The following LXN variants were observed in gnomAD, a reference collection of about 807,000 sequenced individuals.
LXN encodes latexin, also known as MUM.
Under a neutral mutation model 29.8 loss-of-function variants are expected in LXN, and 28 were observed. The ratio of observed to expected loss-of-function variants is 0.94; its 90% CI spans 0.70 to 1.29. The LOEUF (loss-of-function observed/expected upper bound fraction) is 1.29, where lower values mean the gene tolerates loss of function less well. LXN is among the 50% of genes most tolerant of loss of function. The pLI is 0.00. For missense variants in LXN, 227 were observed against 261.7 expected, an observed-to-expected ratio of 0.87 and a Z score of 0.92; for synonymous variants, 77 against 89.6, an observed-to-expected ratio of 0.86 and a Z score of 0.80.
chr3:158,669,418 GC>G lies in LXN; in HGVS notation c.370+14del. On this transcript the variant is annotated intron_variant, in intron 3 of 5. Transcript: ENST00000264265. ...TTTGAATCAAACAAATGGTTTTCAT[GC>G]CATATTTATATACCTGGAATATTTT... 1 of 1,593,178 alleles carries G rather than the reference GC, an allele frequency of 6.3e-7. No homozygotes were observed. Among genetic ancestry groups the G allele is most frequent in the Non-Finnish European group, 8.5e-7 (1 of 1,169,764 alleles).
In LXN at chr3:158,668,985, A is replaced by G; in HGVS notation, c.507+11T>C. 6.3e-7 allele frequency: 1 copy of G among 1,598,428 alleles called. No homozygotes were observed. The highest frequency in any genetic ancestry group is 8.5e-7 in the Non-Finnish European group (1 of 1,170,238). ...ACCCCATTAATAGTGTATTTTATAG[A>G]AACTACTTACCACTTGCTTGACAGT... is the stretch of plus-strand genomic sequence containing the variant. On this transcript the variant is annotated intron_variant, in intron 4 of 5. Coordinates refer to ENST00000264265, the MANE Select transcript of LXN (RefSeq NM_020169.4).
Position 158,670,990 on chromosome 3 carries a change from G to A in LXN, c.159C>T (p.His53=). The A allele has an allele frequency of 6.5e-7, 1 of 1,538,784 alleles. No individual in the cohort carries two copies. The highest frequency in any genetic ancestry group is 2.4e-5 in the East Asian group (1 of 41,460). ...TAATTTCTTCAACAGCAAATTTAAG[G>A]TGATACTTATGTCCTCTTCCTGGAA... ...EDIPGRGHKY[H]LKFAVEEIIQ... Residue 53 remains histidine, a synonymous_variant, in exon 2 of 6, where the codon CAC becomes CAT. Transcript: ENST00000264265.
At chr3:158,670,070 T>C (rs1014947416) in intron 2 of LXN, among the ~76,000 whole-genome samples, 1 of 152,236 alleles carries the variant, frequency 6.6e-6, no homozygotes, top group Non-Finnish European at 1.5e-5. Flanking sequence ...GGTTATGCTT[T>C]GTAAAGATGG....
Position 158,666,502 on chromosome 3 carries a change from T to C in LXN, c.*144A>G. ...TTTTATGTAGTGATACTTTGTATTA[T>C]GGACTCTATAAAGTTCTATACTGTA... On this transcript the variant is annotated 3_prime_UTR_variant, in exon 6 of 6. Coordinates refer to ENST00000264265, the MANE Select transcript of LXN (RefSeq NM_020169.4). 1 of 1,130,028 alleles carries C rather than the reference T, an allele frequency of 8.8e-7. No individual in the cohort carries two copies. The highest frequency in any genetic ancestry group is 1.3e-6 in the Non-Finnish European group (1 of 748,696). The allele number at this position is 1,130,028 out of a possible 1,614,324, so 70.0% of individuals were successfully genotyped here.
In LXN at chr3:158,666,700, G is replaced by T; in HGVS notation, c.615C>A (p.Tyr205Ter). 1 of 1,613,870 alleles carries T rather than the reference G, an allele frequency of 6.2e-7. No homozygotes were observed. The part of the protein sequence containing the change: ...WQMQVLWHPQ[Y>*]GTKVKHNSRL... ...GGCTATTATGTTTTACTTTAGTGCCGTATTGTGGATGCCAGAGAACTTGCA... is the reference window on the plus strand; with the variant it reads ...GGCTATTATGTTTTACTTTAGTGCCTTATTGTGGATGCCAGAGAACTTGCA... The change falls in exon 6 of 6, where the codon TAC becomes TAA. Residue 205 changes from tyrosine to a stop codon, truncating the protein, a stop_gained. Coordinates refer to ENST00000264265, the MANE Select transcript of LXN (RefSeq NM_020169.4). LOFTEE classifies it high-confidence loss of function.
intron 1 of LXN, 79 bp downstream of exon 1, chr3:158,672,271 C>CG (rs1724399884): frequency 6.4e-7 from 1 of 1,574,172 alleles, no homozygotes; most frequent in Admixed American, 1.7e-5. Context: ...GTGTCTGCAC[C>CG]CAAAGGCTGA....
intron 4 of LXN, among the ~76,000 whole-genome samples, chr3:158,667,633 A>C (rs534196236): frequency 8.7e-4 from 132 of 152,272 alleles, no homozygotes; most frequent in Non-Finnish European, 1.6e-3. Flanking sequence ...GAGAATAAAC[A>C]AAAAATTAGC....
At chr3:158,667,983 G>A (rs1354809112) in intron 4 of LXN, among the ~76,000 whole-genome samples, 1 of 152,148 alleles carries the variant, frequency 6.6e-6, no homozygotes, top group Non-Finnish European at 1.5e-5. Flanking sequence ...TCTGTATTAA[G>A]CTGAGCACAA....
In LXN at chr3:158,666,755, A is replaced by G; in HGVS notation, c.571-11T>C. On this transcript the variant is annotated splice_polypyrimidine_tract_variant and intron_variant, in intron 5 of 5. Coordinates refer to ENST00000264265, the MANE Select transcript of LXN (RefSeq NM_020169.4). ...CCAGGGAATAATCTCCTGCAAGTGA[A>G]GAAAATTAATGCCATGATAAAATTC... The G allele has an allele frequency of 6.2e-7, 1 of 1,604,516 alleles. No individual in the cohort carries two copies. The highest frequency in any genetic ancestry group is 8.5e-7 in the Non-Finnish European group (1 of 1,171,660).
At position 158,666,520 on chromosome 3, in the gene LXN, A is replaced by G. The variant is rs1723697818; in HGVS notation, c.*126T>C. 7.0e-6 allele frequency: 8 copies of G among 1,150,848 alleles called. No homozygotes were observed. Among genetic ancestry groups the G allele is most frequent in the East Asian group, 2.4e-5 (1 of 41,600 alleles). The allele number at this position is 1,150,848 out of a possible 1,614,324, so 71.3% of individuals were successfully genotyped here. A position where few individuals can be genotyped will look rare whatever the true frequency, so the allele number is the denominator to read the frequency against. On this transcript the variant is annotated 3_prime_UTR_variant, in exon 6 of 6. Coordinates refer to ENST00000264265, the MANE Select transcript of LXN (RefSeq NM_020169.4). Reference sequence around the variant, plus strand: ...TGTATTATGGACTCTATAAAGTTCTATACTGTAATCAAGACATTTATATAA... The same window carrying G: ...TGTATTATGGACTCTATAAAGTTCTGTACTGTAATCAAGACATTTATATAA...
chr3:158,671,238 G>A (rs1230134134), intron 1 of LXN, among the ~76,000 whole-genome samples: 1 of 152,182 alleles, frequency 6.6e-6, no homozygotes, highest in African/African-American at 2.4e-5. Flanking sequence ...TAGGATAAAA[G>A]CATACAAATT....
chr3:158,669,153 A>T (rs1724019938), intron 3 of LXN, 21 bp from the exon 4 acceptor site: 1 of 1,601,860 alleles, frequency 6.2e-7, no homozygotes, highest in African/African-American at 1.3e-5. Context: ...ACACATTTAT[A>T]TGATAATCAT....
chr3:158,671,035 T>C lies in LXN; in HGVS notation c.130-16A>G, dbSNP rs763546960. 6.6e-7 allele frequency: 1 copy of C among 1,509,410 alleles called. No individual in the cohort carries two copies. The highest frequency in any genetic ancestry group is 2.5e-5 in the East Asian group (1 of 40,482). 93.5% of individuals were successfully genotyped at this position (1,509,410 alleles called of 1,614,324 possible). A position where few individuals can be genotyped will look rare whatever the true frequency, so the allele number is the denominator to read the frequency against. ...CTGGAATATCCTAAAATTAAGAAAA[T>C]GTAGTGGAGACAAGAAAATATTATA... is the stretch of plus-strand genomic sequence containing the variant. On this transcript the variant is annotated splice_polypyrimidine_tract_variant and intron_variant, in intron 1 of 5. Transcript: ENST00000264265.
In LXN at chr3:158,666,422, A is replaced by G. The variant is rs1242473102; in HGVS notation, c.*224T>C. On this transcript the variant is annotated 3_prime_UTR_variant, in exon 6 of 6. Coordinates refer to ENST00000264265, the MANE Select transcript of LXN (RefSeq NM_020169.4). ...AACGTAATTAAACATTATGAGGCTGAAATTGAAGCTTTTTATTTTGGATAT... is the reference window on the plus strand; with the variant it reads ...AACGTAATTAAACATTATGAGGCTGGAATTGAAGCTTTTTATTTTGGATAT... The G allele has an allele frequency of 6.5e-7, 1 of 1,542,294 alleles. No individual in the cohort carries two copies. The highest frequency in any genetic ancestry group is 2.2e-5 in the East Asian group (1 of 44,526).
rs1723722596 is a variant in LXN, at chr3:158,666,677, C to G, written c.638G>C (p.Ser213Thr). The part of the protein sequence containing the change: ...PQYGTKVKHN[S>T]RLPKEVQLE Reference sequence around the variant, plus strand: ...CAGTTGTACTTCCTTTGGCAGACGGCTATTATGTTTTACTTTAGTGCCGTA... The same window carrying G: ...CAGTTGTACTTCCTTTGGCAGACGGGTATTATGTTTTACTTTAGTGCCGTA... Residue 213 changes from serine to threonine, a missense_variant, in exon 6 of 6, where the codon AGC becomes ACC. By Grantham distance (58) the Ser-to-Thr change is moderately conservative. Transcript: ENST00000264265. 1 of 1,613,798 alleles carries G rather than the reference C, an allele frequency of 6.2e-7. No homozygotes were observed. Among genetic ancestry groups the G allele is most frequent in the African/African-American group, 1.3e-5 (1 of 74,908 alleles).
chr3:158,669,691 C>T, intron 2 of LXN, 81 bp from the exon 3 acceptor site: 1 of 1,351,478 alleles, frequency 7.4e-7, no homozygotes, highest in South Asian at 1.3e-5. Flanking sequence ...TGATTTAAAG[C>T]ATAGGCTCCT....
In LXN at chr3:158,666,729, G is replaced by T. The variant is rs1576758075; in HGVS notation, c.586C>A (p.Gln196Lys). The stretch of plus-strand genomic sequence containing the variant: ...TGTGGATGCCAGAGAACTTGCATTT[G>T]CCAGGGAATAATCTCCTGCAAGTGA... ...NIASQEIIPW[Q>K]MQVLWHPQYG... The change falls in exon 6 of 6, where the codon CAA becomes AAA. Residue 196 changes from glutamine (Q) to lysine (K), a missense_variant. Gln to Lys is a moderately conservative substitution (Grantham distance 53). Coordinates refer to ENST00000264265, the MANE Select transcript of LXN (RefSeq NM_020169.4). The T allele has an allele frequency of 6.2e-7, 1 of 1,613,518 alleles. No homozygotes were observed.
At chr3:158,669,157 T>C in intron 3 of LXN, 25 bp from the exon 4 acceptor site, 1 of 1,592,352 alleles carries the variant, frequency 6.3e-7, no homozygotes, top group Non-Finnish European at 8.6e-7. Flanking sequence ...ATTTATATGA[T>C]AATCATATAT....
At chr3:158,667,163 G>T (rs1723787389) in intron 4 of LXN, 89 bp from the exon 5 acceptor site, 4 of 1,295,816 alleles carry the variant, frequency 3.1e-6, no homozygotes, top group Non-Finnish European at 3.1e-6. Context: ...TTGATTAGAT[G>T]AATATAATAT....
Sources: allele counts gnomAD v4.1 joint callset (sites outside exome capture counted in the v4.1 genomes callset), GRCh38; gene constraint gnomAD v4.1.1; transcripts MANE v1.5; gene names NCBI Gene and HGNC (gene_info 2026-07-23, HGNC 2026-07-21).